The following ZSWIM2 variants were observed in gnomAD, a reference collection of about 807,000 sequenced individuals.
ZSWIM2 encodes zinc finger SWIM-type containing 2.
ZSWIM2 carries 38 observed loss-of-function variants against 48.4 expected under a neutral mutation model. The observed-to-expected ratio is 0.79, with a 90% CI of 0.61 to 1.03. The LOEUF (loss-of-function observed/expected upper bound fraction) is 1.03. Ranked by LOEUF, ZSWIM2 falls within the 50% of genes least tolerant of loss-of-function variation. The probability of loss-of-function intolerance (pLI) is 0.00; values close to 1 mark genes in which losing one functional copy is unlikely to be tolerated. For synonymous variants in ZSWIM2, 240 were observed against 251.3 expected (o/e 0.96, Z 0.42); for missense variants, 776 against 730.2 (o/e 1.06, Z -0.72).
intron 4 of ZSWIM2, among the ~76,000 whole-genome samples, 182 bp from the exon 5 acceptor site, chr2:186,837,736 T>A (rs1691824218): frequency 6.7e-6 from 1 of 150,228 alleles, no homozygotes; most frequent in Admixed American, 6.7e-5. Context: ...ACACACACAC[T>A]CACTCATTCT....
rs773088669 is a variant in ZSWIM2, at chr2:186,839,005, A to C, written c.448T>G (p.Cys150Gly). The change falls in exon 4 of 9, where the codon TGT (cysteine) becomes GGT (glycine). Residue 150 changes from cysteine (C) to glycine (G), a missense_variant. Coordinates refer to ENST00000295131, the MANE Select transcript of ZSWIM2 (RefSeq NM_182521.3). ...EIDSEDICSI[C>G]QELLLEKKLP... is the part of the protein sequence containing the mutation. ...TTTTTCTCTAAAAGTAGCTCTTGACAAATAGAGCAGATATCCTCTGAATCA... is the reference window on the plus strand; with the variant it reads ...TTTTTCTCTAAAAGTAGCTCTTGACCAATAGAGCAGATATCCTCTGAATCA... 9.9e-6 allele frequency: 16 copies of C among 1,611,102 alleles called. No individual in the cohort carries two copies. In the Admixed American group the frequency reaches 2.7e-4, roughly 27 times the overall value.
chr2:186,849,165 C>T lies in ZSWIM2; in HGVS notation c.-35G>A, dbSNP rs1311106967. The T allele has an allele frequency of 6.4e-7, 1 of 1,568,110 alleles. No homozygotes were observed. Among genetic ancestry groups the T allele is most frequent in the African/African-American group, 1.4e-5 (1 of 73,718 alleles). ...GGGCGGAGGCGGCCCCTCTGCTCGG[C>T]TCACTGAGGCGCCAGCCGGTCTCCA... On this transcript the variant is annotated 5_prime_UTR_variant, in exon 1 of 9. Transcript: ENST00000295131.
chr2:186,836,858 G>C (rs1373224549), intron 5 of ZSWIM2, among the ~76,000 whole-genome samples: 1 of 152,054 alleles, frequency 6.6e-6, no homozygotes, highest in Non-Finnish European at 1.5e-5. Context: ...TTTGGAGTAG[G>C]GGGGACTGGA....
intron 3 of ZSWIM2, among the ~76,000 whole-genome samples, chr2:186,841,003 C>G (rs984757633): frequency 7.9e-4 from 119 of 151,424 alleles, no homozygotes; most frequent in Non-Finnish European, 3.1e-4. Context: ...ATTTTATTTG[C>G]ATCAAAGGCA....
chr2:186,848,919 G>T, intron 1 of ZSWIM2, 47 bp downstream of exon 1: 1 of 1,610,314 alleles, frequency 6.2e-7, no homozygotes, highest in Non-Finnish European at 8.5e-7. Context: ...GGGGAACCTG[G>T]TGGGCGGGGA....
In ZSWIM2 at chr2:186,828,486, ATTG is replaced by A. The variant is rs959897054; in HGVS notation, c.1397_1399del (p.Thr466del). ...TAATTTGATAGAGCATAGATTATCTATTGTTGTATTTTCATAGGCATCTTTTGG... is the reference window on the plus strand; with the variant it reads ...TAATTTGATAGAGCATAGATTATCTATTGTATTTTCATAGGCATCTTTTGG... On this transcript the variant is annotated inframe_deletion, in exon 9 of 9. Coordinates refer to ENST00000295131, the MANE Select transcript of ZSWIM2 (RefSeq NM_182521.3). 18 of 1,613,304 alleles carry A rather than the reference ATTG, an allele frequency of 1.1e-5. 1 individual carries two copies. In the South Asian group the frequency reaches 1.3e-4, roughly 12 times the overall value.
intron 7 of ZSWIM2, among the ~76,000 whole-genome samples, chr2:186,832,310 C>T (rs1426298905): frequency 6.6e-6 from 1 of 151,200 alleles, no homozygotes; most frequent in Non-Finnish European, 1.5e-5. Flanking sequence ...TTAGTAGAGG[C>T]ATGGTTTCAC....
chr2:186,830,437 T>G (rs983939235), intron 7 of ZSWIM2, among the ~76,000 whole-genome samples: 1 of 152,140 alleles, frequency 6.6e-6, no homozygotes, highest in Non-Finnish European at 1.5e-5. Flanking sequence ...AACCTAAAAT[T>G]TTTGAGTTTG....
chr2:186,845,758 C>T (rs919651722), intron 2 of ZSWIM2, among the ~76,000 whole-genome samples: 3 of 151,242 alleles, frequency 2.0e-5, no homozygotes, highest in African/African-American at 7.3e-5. Flanking sequence ...TTCTAAAGGT[C>T]AATTACCCTA....
At chr2:186,844,861 T>C in intron 2 of ZSWIM2, 104 bp from the exon 3 acceptor site, 1 of 994,364 alleles carries the variant, frequency 1.0e-6, no homozygotes, top group Non-Finnish European at 1.4e-6. Flanking sequence ...AAGATTTATA[T>C]TATGGAAAGT....
chr2:186,844,477 C>G (rs962664145), intron 3 of ZSWIM2, among the ~76,000 whole-genome samples: 2 of 151,430 alleles, frequency 1.3e-5, no homozygotes, highest in African/African-American at 2.4e-5. Context: ...GCCATTGTTT[C>G]ATACCTGTTT....
Position 186,834,040 on chromosome 2 carries a change from C to G in ZSWIM2, c.744-10G>C, listed in dbSNP as rs371673588. 3 of 1,581,094 alleles carry G rather than the reference C, an allele frequency of 1.9e-6. No individual in the cohort carries two copies. The highest frequency in any genetic ancestry group is 2.6e-6 in the Non-Finnish European group (3 of 1,155,464). The stretch of plus-strand genomic sequence containing the variant: ...TATGCATTCGGTACACCTAAAAATA[C>G]AAAACATCAAAACACGCAAGAAAAA... On this transcript the variant is annotated splice_polypyrimidine_tract_variant and intron_variant, in intron 5 of 8. Coordinates refer to ENST00000295131, the MANE Select transcript of ZSWIM2 (RefSeq NM_182521.3).
rs748114196 is a variant in ZSWIM2 at position 186,839,099 on chromosome 2, A to T, written c.354T>A (p.Thr118=). 6.2e-7 allele frequency: 1 copy of T among 1,611,744 alleles called. No individual in the cohort carries two copies. The highest frequency in any genetic ancestry group is 2.2e-5 in the East Asian group (1 of 44,798). The change falls in exon 4 of 9, where the codon ACT becomes ACA. Residue 118 remains threonine (T), a synonymous_variant. Transcript: ENST00000295131. ...TTTCGTCATTTGTTCCTGGTTGGGG[A>T]GTTTGAACTCGATGTATCCCCCGAA... ...DLLRGIHRVQ[T]PQPGTNDENE...
intron 3 of ZSWIM2, among the ~76,000 whole-genome samples, chr2:186,841,468 T>C (rs1691901730): frequency 6.6e-6 from 1 of 151,314 alleles, no homozygotes; most frequent in Non-Finnish European, 1.5e-5. Flanking sequence ...GCAAAAGTAT[T>C]CTGAAAACAT....
intron 3 of ZSWIM2, among the ~76,000 whole-genome samples, chr2:186,839,986 A>AAT (rs1691874983): frequency 6.6e-6 from 1 of 151,604 alleles, no homozygotes; most frequent in South Asian, 2.1e-4. Flanking sequence ...GTATCTTTTT[A>AAT]ATATATATGA....
rs532742041 is a variant in ZSWIM2 at position 186,833,361 on chromosome 2, C to T, written c.829-129G>A. 8.6e-5 allele frequency: 41 copies of T among 478,272 alleles called. No homozygotes were observed. In the South Asian group the frequency reaches 1.5e-3, roughly 18 times the overall value. The allele number at this position is 478,272 out of a possible 1,614,324, so 29.6% of individuals were successfully genotyped here. On this transcript the variant is annotated intron_variant, in intron 6 of 8. Transcript: ENST00000295131. ...TATTTTAAGCATATATATTATTTTT[C>T]AACATGTTAAAGTACTTACAAATTA... is the stretch of plus-strand genomic sequence containing the variant.
rs79407439 is a variant in ZSWIM2, at chr2:186,847,172, T to C, written c.242+547A>G. ...ACCTGAACTTTTTATAAAAAATAAATAACCTGAACTATTTATAAAAATACA... is the reference window on the plus strand; with the variant it reads ...ACCTGAACTTTTTATAAAAAATAAACAACCTGAACTATTTATAAAAATACA... On this transcript the variant is annotated intron_variant, in intron 2 of 8. Transcript: ENST00000295131. Among the ~76,000 whole-genome samples, 196 of 152,082 alleles carry C rather than the reference T, an allele frequency of 1.3e-3. 1 individual carries two copies. Among genetic ancestry groups the C allele is most frequent in the African/African-American group, 4.4e-3 (181 of 41,512 alleles).
chr2:186,837,530 A>T lies in ZSWIM2; in HGVS notation c.519T>A (p.His173Gln), dbSNP rs1350627228. The T allele has an allele frequency of 1.7e-5, 28 of 1,610,800 alleles. No individual in the cohort carries two copies. Among genetic ancestry groups the T allele is most frequent in the Non-Finnish European group, 2.3e-5 (27 of 1,178,124 alleles). Residue 173 changes from histidine to glutamine, a missense_variant, in exon 5 of 9, where the codon CAT becomes CAA. Transcript: ENST00000295131. The stretch of plus-strand genomic sequence containing the variant: ...TAGCTAAGATCTTCATGCATTTTAT[A>T]TGAATACTATTGCCACAGCCAAACC... ...FCRFGCGNSI[H>Q]IKCMKILANY...
chr2:186,834,504 C>T (rs1385715203), intron 5 of ZSWIM2, among the ~76,000 whole-genome samples: 1 of 152,036 alleles, frequency 6.6e-6, no homozygotes, highest in Non-Finnish European at 1.5e-5. Context: ...AGTGTGAACC[C>T]TATTGTGAAC....
Sources: allele counts gnomAD v4.1 joint callset (sites outside exome capture counted in the v4.1 genomes callset), GRCh38; gene constraint gnomAD v4.1.1; transcripts MANE v1.5; gene names NCBI Gene and HGNC (gene_info 2026-07-23, HGNC 2026-07-21).